The following ACKR5 variants were observed in gnomAD, a reference collection of about 807,000 sequenced individuals.
The protein encoded by ACKR5 is G protein-coupled receptor 182.
the ACKR5 span, chr12:56,995,700 G>A: frequency 2.3e-4 from 376 of 1,613,768 alleles, no homozygotes; most frequent in Non-Finnish European, 3.0e-4. This position sits in a 1 kb window ranked among gnomAD's most constrained non-coding sequence, Gnocchi z 4.7. Flanking sequence ...TCCTGGCAGC[G>A]TTACCAGCAC....
chr12:56,994,702 G>A, the ACKR5 span: 1 of 159,240 alleles, frequency 6.3e-6, no homozygotes, highest in Admixed American at 5.9e-5. Context: ...GAGACAACTG[G>A]CTATCCTGCA....
chr12:56,996,337 CCCTGAGCCAAG>C, the ACKR5 span: 2 of 1,614,146 alleles, frequency 1.2e-6, no homozygotes, highest in South Asian at 2.2e-5. Flanking sequence ...CAGCCCCCCA[CCCTGAGCCAAG>C]CCTGAGCTTT....
chr12:56,995,491 C>T, the ACKR5 span: 1 of 1,614,174 alleles, frequency 6.2e-7, no homozygotes. This position sits in a 1 kb window ranked among gnomAD's most constrained non-coding sequence, Gnocchi z 4.7. Flanking sequence ...ACATCCTCAA[C>T]ATGGCCATCG....
At chr12:56,995,885 G>A in the ACKR5 span, 1 of 1,612,338 alleles carries the variant, frequency 6.2e-7, no homozygotes, top group East Asian at 2.2e-5. The surrounding 1 kb of genome is among the most constrained non-coding windows in gnomAD (Gnocchi z 4.7). Flanking sequence ...CACCATCCTG[G>A]GCTTCCTGCT....
chr12:56,995,258 G>A, the ACKR5 span: 7 of 1,613,870 alleles, frequency 4.3e-6, no homozygotes, highest in Admixed American at 1.7e-5. The surrounding 1 kb of genome is among the most constrained non-coding windows in gnomAD (Gnocchi z 4.7). Context: ...GGGGGTCACC[G>A]CAGTGCCTAC....
the ACKR5 span, chr12:56,996,839 T>G: frequency 6.0e-6 from 1 of 167,224 alleles, no homozygotes; most frequent in Non-Finnish European, 1.3e-5. Context: ...AAACTCCTTT[T>G]GCGTTTGTGA....
the ACKR5 span, chr12:56,998,869 C>T: frequency 5.2e-5 from 8 of 152,546 alleles, no homozygotes; most frequent in Non-Finnish European, 1.2e-4. Flanking sequence ...AAATAAAAAC[C>T]ACACTTTGTG....
At chr12:56,996,544 T>G in the ACKR5 span, 8 of 833,638 alleles carry the variant, frequency 9.6e-6, no homozygotes, top group Non-Finnish European at 1.5e-5. Context: ...GAATCTATCT[T>G]AAAATACTGA....
chr12:56,998,386 T>G, the ACKR5 span: 6 of 152,342 alleles, frequency 3.9e-5, no homozygotes, highest in Non-Finnish European at 7.3e-5. Flanking sequence ...TCTTGAGGTC[T>G]GTCTCCTCTG....
At chr12:56,995,953 A>C in the ACKR5 span, 1 of 1,612,356 alleles carries the variant, frequency 6.2e-7, no homozygotes, top group African/African-American at 1.3e-5. This position sits in a 1 kb window ranked among gnomAD's most constrained non-coding sequence, Gnocchi z 4.7. Context: ...TGCGGCAGCC[A>C]GGACAACCCA....
chr12:56,996,013 CAT>C, the ACKR5 span: 2 of 1,610,292 alleles, frequency 1.2e-6, no homozygotes, highest in Non-Finnish European at 1.7e-6. Flanking sequence ...CCGTCTTTGT[CAT>C]GTGCTGGCTG....
chr12:56,998,721 C>G, the ACKR5 span: 1 of 152,582 alleles, frequency 6.6e-6, no homozygotes, highest in African/African-American at 2.4e-5. Context: ...AATGTGCTAC[C>G]TGAAAGAATT....
At chr12:56,995,528 C>T in the ACKR5 span, 1 of 1,614,048 alleles carries the variant, frequency 6.2e-7, no homozygotes, top group African/African-American at 1.3e-5. The surrounding 1 kb of genome is among the most constrained non-coding windows in gnomAD (Gnocchi z 4.7). Context: ...CCTGTCTCTG[C>T]CCGTGTGGAT....
At chr12:56,998,311 G>T in the ACKR5 span, 1 of 152,236 alleles carries the variant, frequency 6.6e-6, no homozygotes, top group Non-Finnish European at 1.5e-5. Context: ...AGCATCTACT[G>T]AGCACTGATG....
chr12:56,995,946 G>A, the ACKR5 span: 175 of 1,612,350 alleles, frequency 1.1e-4, no homozygotes, highest in Admixed American at 2.0e-3. This position sits in a 1 kb window ranked among gnomAD's most constrained non-coding sequence, Gnocchi z 4.7. Flanking sequence ...TGCCGGCTGC[G>A]GCAGCCAGGA....
At chr12:56,994,770 G>A in the ACKR5 span, 1 of 194,458 alleles carries the variant, frequency 5.1e-6, no homozygotes, top group Non-Finnish European at 1.1e-5. Context: ...GTGTGTGTGT[G>A]TGTTCCACAC....
the ACKR5 span, chr12:56,995,617 C>T: frequency 1.2e-6 from 2 of 1,614,130 alleles, no homozygotes; most frequent in Non-Finnish European, 1.7e-6. The surrounding 1 kb of genome is among the most constrained non-coding windows in gnomAD (Gnocchi z 4.7). Context: ...ACTTTGTCAA[C>T]ATGTATAGCA....
the ACKR5 span, chr12:56,995,120 C>T: frequency 3.8e-4 from 462 of 1,222,904 alleles, 1 homozygote; most frequent in Middle Eastern, 6.6e-3. The surrounding 1 kb of genome is among the most constrained non-coding windows in gnomAD (Gnocchi z 4.7). Flanking sequence ...CCCCGACTCC[C>T]TCTGGCCTCT....
chr12:56,998,004 G>A, the ACKR5 span: 1 of 152,328 alleles, frequency 6.6e-6, no homozygotes, highest in Non-Finnish European at 1.5e-5. Flanking sequence ...AGGAGTCTGG[G>A]TTGTGGCTTG....
Sources: gnomAD v4.1 joint callset for allele counts on GRCh38, gnomAD v4.1.1 for gene constraint, Gnocchi (gnomAD v3.1) non-coding constraint, MANE v1.5 for transcripts, NCBI Gene and HGNC (gene_info 2026-07-23, HGNC 2026-07-21) for gene names.